The following SP140 variants were observed in gnomAD, a reference collection of about 807,000 sequenced individuals.
SP140 encodes nuclear body protein SP140.
A neutral mutation model predicts 125.0 loss-of-function variants in SP140; 81 were observed. The observed-to-expected ratio is 0.65, with a 90% CI of 0.54 to 0.78. The LOEUF (loss-of-function observed/expected upper bound fraction) is 0.78. Ranked by LOEUF, SP140 falls within the 30% of genes least tolerant of loss-of-function variation. The probability of loss-of-function intolerance (pLI) is 0.00; values close to 1 mark genes in which losing one functional copy is unlikely to be tolerated. For synonymous variants in SP140, 312 were observed against 354.0 expected (o/e 0.88, Z 1.33); for missense variants, 858 against 1,037.0 (o/e 0.83, Z 2.37).
At chr2:230,284,447 GT>G (rs763652732) in intron 16 of SP140, 36 bp downstream of exon 16, 4 of 1,555,838 alleles carry the variant, frequency 2.6e-6, no homozygotes, top group East Asian at 4.5e-5. Context: ...CAGCTTTTGA[GT>G]TTATTAGGGC....
chr2:230,221,603 C>A, upstream of SP140: 5 of 1,113,186 alleles, frequency 4.5e-6, no homozygotes, highest in South Asian at 6.6e-5. Context: ...GGAGAGGGTG[C>A]ATTGATGCCT....
chr2:230,294,201 G>C, intron 20 of SP140, 70 bp from the exon 21 acceptor site: 1 of 1,246,856 alleles, frequency 8.0e-7, no homozygotes, highest in Non-Finnish European at 1.2e-6. Context: ...TTTGGGAGGA[G>C]GTTGGAAATG....
intron 18 of SP140, 58 bp downstream of exon 18, chr2:230,288,024 T>C (rs1156678137): frequency 5.0e-6 from 7 of 1,398,622 alleles, no homozygotes; most frequent in Non-Finnish European, 6.9e-6. Context: ...TCCTGTGCGG[T>C]ACACTGTACT....
intron 15 of SP140, among the ~76,000 whole-genome samples, chr2:230,277,701 T>C (rs930218056): frequency 1.3e-5 from 2 of 152,220 alleles, no homozygotes; most frequent in African/African-American, 4.8e-5. Context: ...ATATTTGGAA[T>C]ACTTTTTAAT....
intron 3 of SP140, among the ~76,000 whole-genome samples, chr2:230,240,216 AAG>A (rs66660241): frequency 0.61 from 93,351 of 151,938 alleles, 28,940 homozygotes; most frequent in Middle Eastern, 0.66. Flanking sequence ...AAGCTGCTAA[AAG>A]AGAAAACATA....
rs771040838 is a variant in SP140, at chr2:230,259,822, T to C, written c.1240+4290T>C. Among the ~76,000 whole-genome samples, 36 of 142,372 alleles carry C rather than the reference T, an allele frequency of 2.5e-4. 1 individual carries two copies. Among genetic ancestry groups the C allele is most frequent in the Non-Finnish European group, 3.7e-4 (24 of 64,036 alleles). The allele number at this position is 142,372 out of a possible 152,430, so 93.4% of individuals were successfully genotyped here. A position where few individuals can be genotyped will look rare whatever the true frequency, so the allele number is the denominator to read the frequency against. On this transcript the variant is annotated intron_variant, in intron 12 of 26. Coordinates refer to ENST00000392045, the MANE Select transcript of SP140 (RefSeq NM_007237.5). ...CCACATACATACATATATACCACAG[T>C]TTCTTTATCCACTTGTTAATTGGTG...
At chr2:230,217,187 A>C (rs1474733227) in intron 3 of SP140, among the ~76,000 whole-genome samples, 1 of 150,688 alleles carries the variant, frequency 6.6e-6, no homozygotes, top group Non-Finnish European at 1.5e-5. Flanking sequence ...TGGAGGTTGC[A>C]GTAAGCCAAG....
chr2:230,211,490 G>A lies in SP140; in HGVS notation c.-322-2164G>A. 2.5e-6 allele frequency: 4 copies of A among 1,607,064 alleles called. No individual in the cohort carries two copies. The highest frequency in any genetic ancestry group is 3.4e-6 in the Non-Finnish European group (4 of 1,173,460). On this transcript the variant is annotated intron_variant, in intron 1 of 4. Coordinates refer to the SP140 transcript ENST00000456542. The surrounding 1 kb of genome is among the most constrained non-coding windows in gnomAD (Gnocchi z 4.2). ...ATTACCTGGCATAGAGCCCAAGGGA[G>A]AGTGGGGCATCTCTTGAGGGTCTTC...
chr2:230,229,422 G>A (rs1003574126), intron 1 of SP140, among the ~76,000 whole-genome samples: 1 of 146,432 alleles, frequency 6.8e-6, no homozygotes, highest in Non-Finnish European at 1.5e-5. Context: ...TGAGTTTCTG[G>A]CCCACATCAT....
intron 3 of SP140, among the ~76,000 whole-genome samples, chr2:230,239,931 A>T (rs1015105574): frequency 2.6e-5 from 4 of 152,102 alleles, no homozygotes; most frequent in African/African-American, 7.2e-5. Flanking sequence ...AGGGGCTCTG[A>T]TTCTGTCTGT....
chr2:230,268,953 T>A (rs2053535718), intron 12 of SP140, among the ~76,000 whole-genome samples: 1 of 152,228 alleles, frequency 6.6e-6, no homozygotes, highest in South Asian at 2.1e-4. Flanking sequence ...AGGCACCTAG[T>A]GGGAGGAGGC....
At chr2:230,264,448 C>G (rs1388676183) in intron 12 of SP140, among the ~76,000 whole-genome samples, 1 of 152,180 alleles carries the variant, frequency 6.6e-6, no homozygotes, top group Non-Finnish European at 1.5e-5. Flanking sequence ...AGCTTAATAA[C>G]TACCCTCCTG....
In SP140 at chr2:230,238,236, C is replaced by T. The variant is rs1312017088; in HGVS notation, c.261C>T (p.Asn87=). The T allele has an allele frequency of 1.3e-6, 2 of 1,598,398 alleles. No homozygotes were observed. The highest frequency in any genetic ancestry group is 8.5e-7 in the Non-Finnish European group (1 of 1,174,464). The change falls in exon 3 of 27, where the codon AAC becomes AAT. Residue 87 remains asparagine (N), a synonymous_variant. Transcript: ENST00000392045. The part of the protein sequence containing the change: ...MYEHFQEAFR[N]LVPVTRVMYC... The stretch of plus-strand genomic sequence containing the variant: ...AGCATTTTCAAGAAGCTTTTAGAAA[C>T]CTGGTCCCAGTGACAAGAGTGATGT...
chr2:230,250,198 T>C (rs908222992), intron 9 of SP140, among the ~76,000 whole-genome samples: 2 of 152,228 alleles, frequency 1.3e-5, no homozygotes, highest in South Asian at 4.1e-4. Flanking sequence ...TTTAGCACAA[T>C]TGTTCTCTGC....
intron 3 of SP140, among the ~76,000 whole-genome samples, chr2:230,220,284 C>G (rs1448198841): frequency 6.6e-6 from 1 of 152,130 alleles, no homozygotes; most frequent in Non-Finnish European, 1.5e-5. Context: ...TCTATTTTCC[C>G]ATGACTTGTC....
Position 230,248,892 on chromosome 2 carries a change from T to C in SP140, c.900T>C (p.Phe300=), listed in dbSNP as rs1306675417. The C allele has an allele frequency of 6.2e-7, 1 of 1,612,158 alleles. No homozygotes were observed. Among genetic ancestry groups the C allele is most frequent in the East Asian group, 2.2e-5 (1 of 44,882 alleles). The change falls in exon 9 of 27, where the codon TTT becomes TTC. Residue 300 remains phenylalanine, a synonymous_variant. Transcript: ENST00000392045. ...TTTCTTGTTTATCTGCAGAGACCTT[T>C]GATCTAAAAACTCCCCAAGTCACTA... ...ESPEGRDKET[F]DLKTPQVTNE...
At chr2:230,263,404 C>T (rs990323555) in intron 12 of SP140, among the ~76,000 whole-genome samples, 11 of 152,098 alleles carry the variant, frequency 7.2e-5, no homozygotes, top group Admixed American at 5.2e-4. Context: ...GAGTTCTTAT[C>T]GGTTCTGTGG....
chr2:230,190,374 A>G, the SP140 span, among the ~76,000 whole-genome samples: 1 of 151,588 alleles, frequency 6.6e-6, no homozygotes, highest in African/African-American at 2.4e-5. Context: ...GTGTCTGTTC[A>G]TATCCTTTGC....
intron 12 of SP140, among the ~76,000 whole-genome samples, chr2:230,267,623 G>C (rs1442020705): frequency 6.6e-6 from 1 of 152,142 alleles, no homozygotes; most frequent in Non-Finnish European, 1.5e-5. Context: ...AAAAGTACAA[G>C]AGTTAGAATC....
Sources: gnomAD v4.1 joint callset for allele counts (sites outside exome capture counted in the v4.1 genomes callset) on GRCh38, gnomAD v4.1.1 for gene constraint, Gnocchi (gnomAD v3.1) non-coding constraint, MANE v1.5 for transcripts, NCBI Gene and HGNC (gene_info 2026-07-23, HGNC 2026-07-21) for gene names.